Variants in RLN3 observed in about 807,000 individuals in gnomAD.
The protein encoded by RLN3 is relaxin-3.
RLN3 carries 13 observed loss-of-function variants against 10.2 expected under a neutral mutation model. That is an observed-to-expected ratio of 1.28 (90% confidence interval 0.83 to 2.03). The LOEUF (loss-of-function observed/expected upper bound fraction) is 2.03. Among genes scored for constraint, RLN3 ranks in the 30% most tolerant of loss-of-function variants. The probability of loss-of-function intolerance (pLI) is 0.00; values close to 1 mark genes in which losing one functional copy is unlikely to be tolerated. For missense variants in RLN3, 191 were observed against 187.2 expected (o/e 1.02, Z -0.12); for synonymous variants, 56 against 79.2 (o/e 0.71, Z 1.56).
intron 1 of RLN3, chr19:14,030,296 A>G (rs1975778821): frequency 1.4e-6 from 1 of 702,726 alleles, no homozygotes; most frequent in Admixed American, 2.0e-5. Context: ...CGATTAGAGA[A>G]GCTGGATTCA....
chr19:14,028,203 G>A lies in RLN3; in HGVS notation c.-2G>A, dbSNP rs757492954. On this transcript the variant is annotated 5_prime_UTR_variant, in exon 1 of 2. Transcript: ENST00000431365. ...CTCACGTTCAAAGCATCTCCGTCCA[G>A]CATGGCCAGGTACATGCTGCTGCTG... 3.2e-6 allele frequency: 5 copies of A among 1,580,482 alleles called. No individual in the cohort carries two copies. The highest frequency in any genetic ancestry group is 4.5e-5 in the East Asian group (2 of 44,414).
rs147913770 is a variant in RLN3, at chr19:14,028,309, C to T, written c.105C>T (p.Cys35=). 5.5e-4 allele frequency: 885 copies of T among 1,613,804 alleles called. 12 individuals are homozygous for T. Among genetic ancestry groups the T allele is most frequent in the South Asian group, 5.3e-3 (484 of 91,044 alleles). Residue 35 remains cysteine, a synonymous_variant, in exon 1 of 2, where the codon TGC becomes TGT. Coordinates refer to ENST00000431365, the MANE Select transcript of RLN3 (RefSeq NM_080864.4). ...CAGCGCCTTACGGGGTCAGGCTTTG[C>T]GGCCGAGAATTCATCCGAGCAGTCA... ...ARAAPYGVRL[C]GREFIRAVIF...
intron 1 of RLN3, chr19:14,030,161 T>G: frequency 1.6e-6 from 1 of 643,086 alleles, no homozygotes; most frequent in Admixed American, 2.6e-5. Context: ...TTCCAGACAT[T>G]GTTCTAAGTT....
At chr19:14,030,159 A>C in intron 1 of RLN3, 1 of 639,756 alleles carries the variant, frequency 1.6e-6, no homozygotes, top group East Asian at 2.8e-5. Context: ...TGTTCCAGAC[A>C]TTGTTCTAAG....
intron 1 of RLN3, among the ~76,000 whole-genome samples, chr19:14,029,051 T>C (rs1975759295): frequency 1.3e-5 from 2 of 152,014 alleles, no homozygotes; most frequent in Admixed American, 1.3e-4. Flanking sequence ...AGTGCTGAGA[T>C]TAGAGTCTCT....
chr19:14,030,738 T>A lies in RLN3; in HGVS notation c.219T>A (p.Asp73Glu), dbSNP rs771029520. 9.3e-6 allele frequency: 15 copies of A among 1,614,106 alleles called. No individual in the cohort carries two copies. The Admixed American group carries it at 2.5e-4, about 27-fold the overall frequency. ...MGDTFPDADADEDSLAGELDE... is the reference protein window; with the variant it reads ...MGDTFPDADAEEDSLAGELDE... Reference sequence around the variant, plus strand: ...ATACCTTCCCGGATGCAGATGCTGATGAAGACAGTCTGGCAGGCGAGCTGG... The same window carrying A: ...ATACCTTCCCGGATGCAGATGCTGAAGAAGACAGTCTGGCAGGCGAGCTGG... The change falls in exon 2 of 2, where the codon GAT becomes GAA. Residue 73 changes from aspartate (D) to glutamate (E), a missense_variant. Physicochemically the swap from Asp to Glu is conservative, Grantham distance 45. Coordinates refer to ENST00000431365, the MANE Select transcript of RLN3 (RefSeq NM_080864.4).
At chr19:14,030,001 T>C (rs1975773245) in intron 1 of RLN3, among the ~76,000 whole-genome samples, 1 of 151,736 alleles carries the variant, frequency 6.6e-6, no homozygotes, top group South Asian at 2.1e-4. Flanking sequence ...CTTTTTATTA[T>C]TTGTAGAGAC....
chr19:14,030,397 C>T (rs773217442), intron 1 of RLN3: 27 of 700,478 alleles, frequency 3.9e-5, no homozygotes, highest in South Asian at 7.4e-5. Context: ...CGGTGGCTCA[C>T]GCCTGTAATC....
rs762287295 is a variant in RLN3 at position 14,030,774 on chromosome 19, G to T, written c.255G>T (p.Met85Ile). The T allele has an allele frequency of 1.1e-5, 17 of 1,614,102 alleles. No individual in the cohort carries two copies. The highest frequency in any genetic ancestry group is 1.3e-5 in the Non-Finnish European group (15 of 1,180,050). Residue 85 changes from methionine to isoleucine, a missense_variant, in exon 2 of 2, where the codon ATG becomes ATT. Met to Ile is a conservative substitution (Grantham distance 10). Transcript: ENST00000431365. ...TGGCAGGCGAGCTGGATGAGGCCATGGGGTCCAGCGAGTGGCTGGCCCTGA... is the reference window on the plus strand; with the variant it reads ...TGGCAGGCGAGCTGGATGAGGCCATTGGGTCCAGCGAGTGGCTGGCCCTGA... ...DSLAGELDEA[M>I]GSSEWLALTK...
Position 14,028,213 on chromosome 19 carries a change from G to C in RLN3, c.9G>C (p.Arg3Ser). Residue 3 changes from arginine to serine, a missense_variant, in exon 1 of 2, where the codon AGG (arginine) becomes AGC (serine). Physicochemically the swap from Arg to Ser is moderately radical, Grantham distance 110. Coordinates refer to ENST00000431365, the MANE Select transcript of RLN3 (RefSeq NM_080864.4). The part of the protein sequence containing the change: MA[R>S]YMLLLLLAVW... ...AAGCATCTCCGTCCAGCATGGCCAG[G>C]TACATGCTGCTGCTGCTCCTGGCGG... is the stretch of plus-strand genomic sequence containing the variant. 1 of 1,596,066 alleles carries C rather than the reference G, an allele frequency of 6.3e-7. No homozygotes were observed. The highest frequency in any genetic ancestry group is 8.5e-7 in the Non-Finnish European group (1 of 1,171,764).
chr19:14,031,448 C>T lies in RLN3; in HGVS notation c.*500C>T, dbSNP rs1294095417. ...TCCCTCCAACTCCCCTGCCAGAGTTCCAAGGCTGTGGACCCCAGAGAAGGT... is the reference window on the plus strand; with the variant it reads ...TCCCTCCAACTCCCCTGCCAGAGTTTCAAGGCTGTGGACCCCAGAGAAGGT... On this transcript the variant is annotated 3_prime_UTR_variant, in exon 2 of 2. Coordinates refer to ENST00000431365, the MANE Select transcript of RLN3 (RefSeq NM_080864.4). 1.3e-5 allele frequency: 3 copies of T among 233,152 alleles called. No individual in the cohort carries two copies. In the Admixed American group the frequency reaches 1.5e-4, roughly 12 times the overall value. 14.4% of individuals were successfully genotyped at this position (233,152 alleles called of 1,614,324 possible).
chr19:14,031,120 C>T lies in RLN3; in HGVS notation c.*172C>T, dbSNP rs567591649. 5.0e-6 allele frequency: 3 copies of T among 602,154 alleles called. No individual in the cohort carries two copies. In the South Asian group the frequency reaches 6.0e-5, roughly 12 times the overall value. The allele number at this position is 602,154 out of a possible 1,614,324, so 37.3% of individuals were successfully genotyped here. ...CAGTCTCCCGACACCACCTATCCAA[C>T]CCTGCCCTTTGACCAGCCTATCATG... is the stretch of plus-strand genomic sequence containing the variant. On this transcript the variant is annotated 3_prime_UTR_variant, in exon 2 of 2. Coordinates refer to ENST00000431365, the MANE Select transcript of RLN3 (RefSeq NM_080864.4).
Position 14,031,327 on chromosome 19 carries a change from A to G in RLN3, c.*379A>G. 1 of 232,002 alleles carries G rather than the reference A, an allele frequency of 4.3e-6. No homozygotes were observed. Among genetic ancestry groups the G allele is most frequent in the South Asian group, 8.2e-5 (1 of 12,208 alleles). The allele number at this position is 232,002 out of a possible 1,614,324, so 14.4% of individuals were successfully genotyped here. On this transcript the variant is annotated 3_prime_UTR_variant, in exon 2 of 2. Transcript: ENST00000431365. ...AGACCCCTGCCCCCTTCCCAGTCCA[A>G]ACTGTGGCCATTGTCCCCTGACCAG...
At position 14,030,871 on chromosome 19, in the gene RLN3, C is replaced by T. The variant is rs761108419; in HGVS notation, c.352C>T (p.Arg118Ter). 6.0e-5 allele frequency: 97 copies of T among 1,610,368 alleles called. No homozygotes were observed. The highest frequency in any genetic ancestry group is 7.1e-5 in the Non-Finnish European group (84 of 1,177,320). Residue 118 changes from arginine to a stop codon, truncating the protein, a stop_gained, in exon 2 of 2, where the codon CGA (arginine) becomes TGA (stop). Transcript: ENST00000431365. LOFTEE classifies it high-confidence loss of function. ...AACCCCTGGGGTTCTTCGGGGCAGC[C>T]GAGATGTCCTGGCTGGCCTTTCCAG... is the stretch of plus-strand genomic sequence containing the variant. ...QGTPGVLRGS[R>*]DVLAGLSSSC... is the part of the protein sequence containing the mutation.
At chr19:14,030,253 A>G (rs1353480554) in intron 1 of RLN3, 2 of 702,928 alleles carry the variant, frequency 2.8e-6, no homozygotes, top group Non-Finnish European at 5.2e-6. Context: ...AGAAAAGAAC[A>G]TTGAGGCTCC....
chr19:14,031,205 A>C lies in RLN3; in HGVS notation c.*257A>C. ...GTCAAGTGGGGACCCCCCCATCCTGACCCCTGACCTCTCCCCAGCCCTAAC... is the reference window on the plus strand; with the variant it reads ...GTCAAGTGGGGACCCCCCCATCCTGCCCCCTGACCTCTCCCCAGCCCTAAC... On this transcript the variant is annotated 3_prime_UTR_variant, in exon 2 of 2. Transcript: ENST00000431365. 8.6e-6 allele frequency: 4 copies of C among 465,252 alleles called. No individual in the cohort carries two copies. The highest frequency in any genetic ancestry group is 3.0e-5 in the South Asian group (1 of 33,482). The allele number at this position is 465,252 out of a possible 1,614,324, so 28.8% of individuals were successfully genotyped here.
Position 14,028,288 on chromosome 19 carries a change from G to A in RLN3, c.84G>A (p.Ala28=), listed in dbSNP as rs145571347. ...ELWPGAEARA[A]PYGVRLCGRE... ...GGCCGGGAGCTGAGGCCCGGGCAGC[G>A]CCTTACGGGGTCAGGCTTTGCGGCC... Residue 28 remains alanine (A), a synonymous_variant, in exon 1 of 2, where the codon GCG becomes GCA. Coordinates refer to ENST00000431365, the MANE Select transcript of RLN3 (RefSeq NM_080864.4). 2.9e-5 allele frequency: 47 copies of A among 1,613,824 alleles called. No homozygotes were observed. Among genetic ancestry groups the A allele is most frequent in the East Asian group, 2.5e-4 (11 of 44,880 alleles).
In RLN3 at chr19:14,028,202, A is replaced by G; in HGVS notation, c.-3A>G. 1 of 1,579,808 alleles carries G rather than the reference A, an allele frequency of 6.3e-7. No homozygotes were observed. Among genetic ancestry groups the G allele is most frequent in the East Asian group, 2.3e-5 (1 of 44,390 alleles). On this transcript the variant is annotated 5_prime_UTR_variant, in exon 1 of 2. Transcript: ENST00000431365. Reference sequence around the variant, plus strand: ...TCTCACGTTCAAAGCATCTCCGTCCAGCATGGCCAGGTACATGCTGCTGCT... The same window carrying G: ...TCTCACGTTCAAAGCATCTCCGTCCGGCATGGCCAGGTACATGCTGCTGCT...
Position 14,031,259 on chromosome 19 carries a change from C to G in RLN3, c.*311C>G. On this transcript the variant is annotated 3_prime_UTR_variant, in exon 2 of 2. Transcript: ENST00000431365. Reference sequence around the variant, plus strand: ...GCGTTTGCCTGGCCTACACACTCCACTGCCACAACTGGGTCCCTACTCTAC... The same window carrying G: ...GCGTTTGCCTGGCCTACACACTCCAGTGCCACAACTGGGTCCCTACTCTAC... 1 of 330,212 alleles carries G rather than the reference C, an allele frequency of 3.0e-6. No individual in the cohort carries two copies. Among genetic ancestry groups the G allele is most frequent in the Non-Finnish European group, 5.6e-6 (1 of 179,302 alleles). 20.5% of individuals were successfully genotyped at this position (330,212 alleles called of 1,614,324 possible).
Sources: allele counts gnomAD v4.1 joint callset (sites outside exome capture counted in the v4.1 genomes callset), GRCh38; gene constraint gnomAD v4.1.1; transcripts MANE v1.5; gene names NCBI Gene and HGNC (gene_info 2026-07-23, HGNC 2026-07-21).